ASXL1: variants seen among roughly 807,000 people sequenced by gnomAD.
ASXL1 encodes the protein ASXL transcriptional regulator 1.
Under a neutral mutation model 89.1 loss-of-function variants are expected in ASXL1, and 65 were observed. That is an observed-to-expected ratio of 0.73 (90% CI 0.60 to 0.90). The LOEUF is 0.90. Ranked by LOEUF, ASXL1 falls within the 40% of genes least tolerant of loss-of-function variation. The pLI, the probability that ASXL1 is intolerant of heterozygous loss-of-function variation, is 0.00. For synonymous variants in ASXL1, 739 were observed against 746.9 expected, an observed-to-expected ratio of 0.99 and a Z score of 0.17; for missense variants, 1,786 against 1,942.9, an observed-to-expected ratio of 0.92 and a Z score of 1.52.
At chr20:32,402,848 G>T (rs2048898290) in intron 4 of ASXL1, among the ~76,000 whole-genome samples, 1 of 152,130 alleles carries the variant, frequency 6.6e-6, no homozygotes, top group Admixed American at 6.5e-5. Context: ...TGTTGGATAC[G>T]TGATTTGCAA....
Position 32,428,639 on chromosome 20 carries a change from G to C in ASXL1, c.471+217G>C, listed in dbSNP as rs1405818372. ...TTCTCTTTCTTTACCTTGGCTGAGT[G>C]ATTTTGTTCATTCTTTTTTTTTTTT... On this transcript the variant is annotated intron_variant, in intron 6 of 12. Transcript: ENST00000375687. 3.4e-5 allele frequency: 8 copies of C among 235,850 alleles called. No individual in the cohort carries two copies. In the East Asian group the frequency reaches 6.2e-4, roughly 18 times the overall value. 14.6% of individuals were successfully genotyped at this position (235,850 alleles called of 1,614,324 possible).
In ASXL1 at chr20:32,435,444, C is replaced by T. The variant is rs780400187; in HGVS notation, c.2732C>T (p.Pro911Leu). 3.7e-6 allele frequency: 6 copies of T among 1,613,928 alleles called. No individual in the cohort carries two copies. Among genetic ancestry groups the T allele is most frequent in the Non-Finnish European group, 5.1e-6 (6 of 1,180,020 alleles). ...TCGAATGATGAGGTAGTGAAACAGC[C>T]CAAACCAGAATCCAGAGAACACATA... ...IPSNDEVVKQ[P>L]KPESREHIPS... The change falls in exon 13 of 13, where the codon CCC becomes CTC. Residue 911 changes from proline to leucine, a missense_variant. Physicochemically the swap from Pro to Leu is moderately conservative, Grantham distance 98 (BLOSUM62 -3). Around this residue, in one of 3 missense-constraint regions of ASXL1, gnomAD observed 1,418 missense variants for 1,427.8 expected, o/e 0.99. Transcript: ENST00000375687.
intron 4 of ASXL1, among the ~76,000 whole-genome samples, chr20:32,378,380 G>A (rs1372908422): frequency 6.6e-6 from 1 of 152,098 alleles, no homozygotes; most frequent in East Asian, 1.9e-4. Context: ...TTCCATTTTT[G>A]GCGTCAGGTT....
rs191646651 is a variant in ASXL1 at position 32,393,193 on chromosome 20, T to A, written c.252+24070T>A. Among the ~76,000 whole-genome samples the A allele has an allele frequency of 4.6e-5, 7 of 152,244 alleles. No homozygotes were observed. The South Asian group carries it at 1.0e-3, about 22-fold the overall frequency. On this transcript the variant is annotated intron_variant, in intron 4 of 12. Transcript: ENST00000375687. ...TTGTTTTTGGTTTGAAATTTACTTA[T>A]AAGGTACATAAGCATTTATGATTGT...
At position 32,437,178 on chromosome 20, in the gene ASXL1, C is replaced by G. The variant is rs1205345035; in HGVS notation, c.4466C>G (p.Ser1489Cys). The change falls in exon 13 of 13, where the codon TCC (serine) becomes TGC (cysteine). Residue 1489 changes from serine (S) to cysteine (C), a missense_variant. Coordinates refer to ENST00000375687, the MANE Select transcript of ASXL1 (RefSeq NM_015338.6). ...GGTGCGAGCCACAGTGCATCACTTT[C>G]CTTGCAAATGTTCACTGACAGCAGC... Reference protein sequence around the residue: ...NFGASHSASLSLQMFTDSSTV... With the variant: ...NFGASHSASLCLQMFTDSSTV... The G allele has an allele frequency of 6.2e-7, 1 of 1,613,796 alleles. No individual in the cohort carries two copies. The highest frequency in any genetic ancestry group is 1.1e-5 in the South Asian group (1 of 91,080).
chr20:32,432,823 TA>T, intron 10 of ASXL1, 56 bp from the exon 11 acceptor site: 1 of 1,595,820 alleles, frequency 6.3e-7, no homozygotes, highest in Non-Finnish European at 8.6e-7. Flanking sequence ...CAGCTGTCCA[TA>T]AGACAGACAT....
rs1439862866 is a variant in ASXL1, at chr20:32,433,786, G to GCGGCCTCTGCATCCTTTCC, written c.1591_1609dup (p.Glu537GlyfsTer13). ...TCAGAAGAGGAAATCCTTTGAGCAG[G>GCGGCCTCTGCATCCTTTCC]CGGCCTCTGCATCCTTTCCCGAAAA... On this transcript the variant is annotated frameshift_variant, in exon 12 of 13. Transcript: ENST00000375687. LOFTEE classifies it high-confidence loss of function. 1.2e-6 allele frequency: 2 copies of GCGGCCTCTGCATCCTTTCC among 1,614,070 alleles called. No homozygotes were observed. Among genetic ancestry groups the GCGGCCTCTGCATCCTTTCC allele is most frequent in the Non-Finnish European group, 1.7e-6 (2 of 1,180,054 alleles).
intron 4 of ASXL1, among the ~76,000 whole-genome samples, chr20:32,391,401 G>C (rs1480029047): frequency 6.6e-6 from 1 of 152,114 alleles, no homozygotes; most frequent in Admixed American, 6.6e-5. Flanking sequence ...AGTAATTGCT[G>C]GGTTGGGTGG....
chr20:32,424,360 C>T (rs1016604063), intron 4 of ASXL1, among the ~76,000 whole-genome samples: 4 of 152,080 alleles, frequency 2.6e-5, no homozygotes, highest in African/African-American at 9.7e-5. Context: ...CATGGTGAAA[C>T]CCCATATCTA....
At chr20:32,393,193 T>C (rs191646651) in intron 4 of ASXL1, among the ~76,000 whole-genome samples, 76 of 152,362 alleles carry the variant, frequency 5.0e-4, no homozygotes, top group Admixed American at 3.7e-3. Flanking sequence ...AATTTACTTA[T>C]AAGGTACATA....
chr20:32,366,673 A>G (rs1415817098), intron 2 of ASXL1: 3 of 692,512 alleles, frequency 4.3e-6, no homozygotes, highest in Non-Finnish European at 5.3e-6. Context: ...TTAGAGGTGC[A>G]GTGGCTTTCC....
chr20:32,358,519 GGCAGCCGCC>G lies in ASXL1; in HGVS notation c.-254_-246del, dbSNP rs1159031543. The G allele has an allele frequency of 8.9e-6, 2 of 225,080 alleles. No individual in the cohort carries two copies. The highest frequency in any genetic ancestry group is 4.5e-5 in the African/African-American group (2 of 44,700). 13.9% of individuals were successfully genotyped at this position (225,080 alleles called of 1,614,324 possible). On this transcript the variant is annotated 5_prime_UTR_variant, in exon 1 of 13. Coordinates refer to ENST00000375687, the MANE Select transcript of ASXL1 (RefSeq NM_015338.6). The stretch of plus-strand genomic sequence containing the variant: ...CCGCCGCATTCCTTAGCGATCGCGG[GGCAGCCGCC>G]GCTGCCGCCGTGGGCGACTGACGCA...
chr20:32,432,597 ACAAT>A (rs2011552729), intron 10 of ASXL1: 1 of 389,466 alleles, frequency 2.6e-6, no homozygotes, highest in African/African-American at 2.1e-5. Flanking sequence ...CTAAGAGTAA[ACAAT>A]CAGGCCTACC....
chr20:32,426,995 A>T (rs1328497061), intron 4 of ASXL1: 2 of 152,194 alleles, frequency 1.3e-5, no homozygotes, highest in Non-Finnish European at 2.9e-5. Context: ...TTTTAAATTT[A>T]TGGTGCCTTT....
intron 8 of ASXL1, 79 bp downstream of exon 8, chr20:32,430,132 C>G (rs2011474050): frequency 6.7e-7 from 1 of 1,498,296 alleles, no homozygotes; most frequent in South Asian, 1.2e-5. Context: ...TCTTCTATTC[C>G]AATTCCTTTA....
intron 4 of ASXL1, among the ~76,000 whole-genome samples, chr20:32,382,781 GTC>G (rs1442725490): frequency 5.3e-5 from 8 of 152,068 alleles, no homozygotes; most frequent in Admixed American, 5.2e-4. Context: ...GTAAGACCCT[GTC>G]TCAAAAAAAA....
intron 1 of ASXL1, chr20:32,359,301 C>T (rs1027579606): frequency 1.0e-5 from 7 of 702,412 alleles, no homozygotes; most frequent in Admixed American, 4.0e-5. Context: ...TCAAGGACGC[C>T]AATGGCATGT....
At chr20:32,369,222 T>TATGAGAAATGCAAA in intron 4 of ASXL1, 99 bp downstream of exon 4, 5 of 1,122,562 alleles carry the variant, frequency 4.5e-6, no homozygotes, top group African/African-American at 1.5e-5. Context: ...TGAATTTGCA[T>TATGAGAAATGCAAA]TTCTCATATG....
chr20:32,397,713 A>G (rs1252991564), intron 4 of ASXL1, among the ~76,000 whole-genome samples: 1 of 152,130 alleles, frequency 6.6e-6, no homozygotes, highest in African/African-American at 2.4e-5. Context: ...GTGTTTTAAG[A>G]AAAGTTTATG....
Sources: allele counts gnomAD v4.1 joint callset (sites outside exome capture counted in the v4.1 genomes callset), GRCh38; gene constraint gnomAD v4.1.1; regional missense constraint gnomAD v4.1.1; transcripts MANE v1.5; gene names NCBI Gene and HGNC (gene_info 2026-07-23, HGNC 2026-07-21).